Variants in CTU1 observed in about 807,000 individuals in gnomAD.
The protein encoded by CTU1 is cytosolic thiouridylase subunit 1.
CTU1 carries 15 observed loss-of-function variants against 12.9 expected under a neutral mutation model. That is an observed-to-expected ratio of 1.16 (90% confidence interval 0.78 to 1.79). The LOEUF (loss-of-function observed/expected upper bound fraction) is 1.79, where lower values mean the gene tolerates loss of function less well. Among genes scored for constraint, CTU1 ranks in the 40% most tolerant of loss-of-function variants. The pLI is 0.00. For missense variants in CTU1, 553 were observed against 550.5 expected, an observed-to-expected ratio of 1.00 and a Z score of -0.05; for synonymous variants, 295 against 275.6, an observed-to-expected ratio of 1.07 and a Z score of -0.70.
At chr19:51,107,121 C>T (rs1338560774) in intron 1 of CTU1, among the ~76,000 whole-genome samples, 1 of 152,182 alleles carries the variant, frequency 6.6e-6, no homozygotes, top group Non-Finnish European at 1.5e-5. Context: ...AAGGGAGACG[C>T]TCGCAGGGGA....
At chr19:51,105,311 C>A (rs907860089) in intron 1 of CTU1, among the ~76,000 whole-genome samples, 3 of 152,126 alleles carry the variant, frequency 2.0e-5, no homozygotes, top group Non-Finnish European at 4.4e-5. Context: ...TTGAACTCAA[C>A]CCTGCTCTGG....
rs1401426093 is a variant in CTU1, at chr19:51,104,304, T to C, written c.266A>G (p.Glu89Gly). The C allele has an allele frequency of 6.7e-7, 1 of 1,494,084 alleles. No individual in the cohort carries two copies. The highest frequency in any genetic ancestry group is 2.1e-5 in the Admixed American group (1 of 46,820). 92.6% of individuals were successfully genotyped at this position (1,494,084 alleles called of 1,614,324 possible). A position where few individuals can be genotyped will look rare whatever the true frequency, so the allele number is the denominator to read the frequency against. The change falls in exon 2 of 3, where the codon GAG (glutamate) becomes GGG (glycine). Residue 89 changes from glutamate (E) to glycine (G), a missense_variant. By Grantham distance (98) the Glu-to-Gly change is moderately conservative. Transcript: ENST00000421832. ...CGCGTCCCGGTAGCCACCGATGCCC[T>C]CATCGACGGCCACGAGCTGCAGTGA... ...GISLQLVAVD[E>G]GIGGYRDAAL...
chr19:51,102,116 G>C (rs2091908499), intron 2 of CTU1, among the ~76,000 whole-genome samples: 1 of 152,142 alleles, frequency 6.6e-6, no homozygotes, highest in Admixed American at 6.6e-5. Flanking sequence ...CAATTCTCCT[G>C]CCTCAGCCTC....
At chr19:51,105,531 G>T (rs1281562917) in intron 1 of CTU1, among the ~76,000 whole-genome samples, 1 of 152,160 alleles carries the variant, frequency 6.6e-6, no homozygotes, top group Non-Finnish European at 1.5e-5. Flanking sequence ...CTCCAGCCTG[G>T]ACTACTGTAG....
chr19:51,101,352 G>A (rs2091906786), intron 2 of CTU1, among the ~76,000 whole-genome samples: 1 of 152,184 alleles, frequency 6.6e-6, no homozygotes, highest in African/African-American at 2.4e-5. Flanking sequence ...GTCTTGTCAA[G>A]TTATACTTGA....
intron 1 of CTU1, among the ~76,000 whole-genome samples, chr19:51,106,923 C>G (rs988185802): frequency 1.2e-4 from 18 of 152,258 alleles, no homozygotes; most frequent in African/African-American, 4.1e-4. Flanking sequence ...CCCTAAGCGC[C>G]CAGACAACCT....
Position 51,104,523 on chromosome 19 carries a change from A to AGG in CTU1, c.45_46dup (p.Leu16ProfsTer154). 7.9e-7 allele frequency: 1 copy of AGG among 1,271,170 alleles called. No homozygotes were observed. The highest frequency in any genetic ancestry group is 9.9e-7 in the Non-Finnish European group (1 of 1,010,546). 78.7% of individuals were successfully genotyped at this position (1,271,170 alleles called of 1,614,324 possible). On this transcript the variant is annotated frameshift_variant, in exon 2 of 3. Transcript: ENST00000421832. LOFTEE classifies it high-confidence loss of function. Reference sequence around the variant, plus strand: ...CGCTTGGCCCGAGAGCGGACGGCGGAGGGCGGCGCGTGCAGCATGGCAGGA... The same window carrying AGG: ...CGCTTGGCCCGAGAGCGGACGGCGGAGGGGGCGGCGCGTGCAGCATGGCAGGA...
In CTU1 at chr19:51,099,106, A is replaced by C; in HGVS notation, c.542T>G (p.Leu181Arg). 6.4e-7 allele frequency: 1 copy of C among 1,564,420 alleles called. No individual in the cohort carries two copies. Among genetic ancestry groups the C allele is most frequent in the Non-Finnish European group, 8.6e-7 (1 of 1,164,762 alleles). Residue 181 changes from leucine (L) to arginine (R), a missense_variant, in exon 3 of 3, where the codon CTC (leucine) becomes CGC (arginine). Transcript: ENST00000421832. ...CGCGTCGCCCCGTAGGAAGTTCATG[A>C]GCACGGTCTCCGCCATGTCGTCGGC... is the stretch of plus-strand genomic sequence containing the variant. The part of the protein sequence containing the change: ...HNADDMAETV[L>R]MNFLRGDAGR...
chr19:51,102,568 C>T (rs1054702045), intron 2 of CTU1, among the ~76,000 whole-genome samples: 1 of 152,248 alleles, frequency 6.6e-6, no homozygotes. Flanking sequence ...TCCATCACCG[C>T]AGCTGGCTTC....
chr19:51,104,094 G>A lies in CTU1; in HGVS notation c.476C>T (p.Ala159Val). Reference sequence around the variant, plus strand: ...GATGTGCGTGGCTCCCACGCGGCGCGCCCCTTCCTCCAGCGCCCGGCGCCG... The same window carrying A: ...GATGTGCGTGGCTCCCACGCGGCGCACCCCTTCCTCCAGCGCCCGGCGCCG... Reference protein sequence around the residue: ...VLRRRALEEGARRVGATHIVT... With the variant: ...VLRRRALEEGVRRVGATHIVT... The change falls in exon 2 of 3, where the codon GCG (alanine) becomes GTG (valine). Residue 159 changes from alanine (A) to valine (V), a missense_variant. Ala to Val is a moderately conservative substitution (Grantham distance 64). Coordinates refer to ENST00000421832, the MANE Select transcript of CTU1 (RefSeq NM_145232.4). 2 of 1,471,584 alleles carry A rather than the reference G, an allele frequency of 1.4e-6. No individual in the cohort carries two copies. Among genetic ancestry groups the A allele is most frequent in the African/African-American group, 1.5e-5 (1 of 67,898 alleles). 91.2% of individuals were successfully genotyped at this position (1,471,584 alleles called of 1,614,324 possible).
rs768804355 is a variant in CTU1, at chr19:51,098,973, C to T, written c.675G>A (p.Ala225=). 4.5e-5 allele frequency: 69 copies of T among 1,543,222 alleles called. No homozygotes were observed. Among genetic ancestry groups the T allele is most frequent in the Non-Finnish European group, 5.6e-5 (65 of 1,150,746 alleles). ...AGAAGTAGTCGAGGCGGCGGAAGTGCGCGTACAGCACCACCTCCTTCTGCG... is the reference window on the plus strand; with the variant it reads ...AGAAGTAGTCGAGGCGGCGGAAGTGTGCGTACAGCACCACCTCCTTCTGCG... ...FASQKEVVLY[A]HFRRLDYFSE... Residue 225 remains alanine (A), a synonymous_variant, in exon 3 of 3, where the codon GCG becomes GCA. Transcript: ENST00000421832. The surrounding 1 kb of genome is among the most constrained non-coding windows in gnomAD (Gnocchi z 4.3).
chr19:51,099,425 G>A (rs2091901916), intron 2 of CTU1, among the ~76,000 whole-genome samples: 1 of 152,004 alleles, frequency 6.6e-6, no homozygotes, highest in African/African-American at 2.4e-5. Context: ...CAACCAGGAC[G>A]CAGAGAGAGA....
intron 1 of CTU1, among the ~76,000 whole-genome samples, chr19:51,106,033 C>T (rs900161992): frequency 6.6e-6 from 1 of 152,194 alleles, no homozygotes; most frequent in Non-Finnish European, 1.5e-5. Flanking sequence ...CCCGCCTTGC[C>T]TCCTCTACAA....
intron 1 of CTU1, 111 bp from the exon 2 acceptor site, chr19:51,104,701 C>T (rs1162473487): frequency 2.6e-5 from 22 of 858,150 alleles, no homozygotes; most frequent in Non-Finnish European, 3.2e-5. Context: ...ACCAGGGAGA[C>T]GTGTGCGCGA....
In CTU1 at chr19:51,104,355, C is replaced by T. The variant is rs558714491; in HGVS notation, c.215G>A (p.Arg72His). The T allele has an allele frequency of 9.7e-6, 14 of 1,443,632 alleles. No individual in the cohort carries two copies. In the South Asian group the frequency reaches 1.7e-4, roughly 17 times the overall value. The allele number at this position is 1,443,632 out of a possible 1,614,324, so 89.4% of individuals were successfully genotyped here. A position where few individuals can be genotyped will look rare whatever the true frequency, so the allele number is the denominator to read the frequency against. Residue 72 changes from arginine (R) to histidine (H), a missense_variant, in exon 2 of 3, where the codon CGC becomes CAC. Transcript: ENST00000421832. ...GATGCCCAGGCGCGGCGCCAGCGCG[C>T]GCAGCACGTGCGCCAGCACCGTGGA... is the stretch of plus-strand genomic sequence containing the variant. Reference protein sequence around the residue: ...KDSTVLAHVLRALAPRLGISL... With the variant: ...KDSTVLAHVLHALAPRLGISL...
Position 51,104,286 on chromosome 19 carries a change from CG to C in CTU1, c.283del (p.Arg95GlyfsTer74). On this transcript the variant is annotated frameshift_variant, in exon 2 of 3. Transcript: ENST00000421832. LOFTEE classifies it high-confidence loss of function. ...CCGCACGGCCGCCAACGCCGCGTCC[CG>C]GTAGCCACCGATGCCCTCATCGACG... ...VAVDEGIGGY[R>X]DAALAAVRRQ... The C allele has an allele frequency of 6.7e-7, 1 of 1,500,220 alleles. No homozygotes were observed. Among genetic ancestry groups the C allele is most frequent in the Non-Finnish European group, 8.9e-7 (1 of 1,129,418 alleles). The allele number at this position is 1,500,220 out of a possible 1,614,324, so 92.9% of individuals were successfully genotyped here. A position where few individuals can be genotyped will look rare whatever the true frequency, so the allele number is the denominator to read the frequency against.
rs541753587 is a variant in CTU1 at position 51,104,235 on chromosome 19, G to T, written c.335C>A (p.Pro112Gln). The change falls in exon 2 of 3, where the codon CCG (proline) becomes CAG (glutamine). Residue 112 changes from proline to glutamine, a missense_variant. Pro to Gln is a moderately conservative substitution (Grantham distance 76, BLOSUM62 -1). Coordinates refer to ENST00000421832, the MANE Select transcript of CTU1 (RefSeq NM_145232.4). Reference sequence around the variant, plus strand: ...GTCTTCGTAGGCCACGACCGTGAGCGGCAGCTCCCAGCGCGCCGCCTGGCG... The same window carrying T: ...GTCTTCGTAGGCCACGACCGTGAGCTGCAGCTCCCAGCGCGCCGCCTGGCG... ...VRRQAARWEL[P>Q]LTVVAYEDLF... 7 of 1,513,742 alleles carry T rather than the reference G, an allele frequency of 4.6e-6. No individual in the cohort carries two copies. The East Asian group carries it at 1.8e-4, about 39-fold the overall frequency. The allele number at this position is 1,513,742 out of a possible 1,614,324, so 93.8% of individuals were successfully genotyped here.
chr19:51,104,396 G>A lies in CTU1; in HGVS notation c.174C>T (p.Ala58=), dbSNP rs1327516401. 1.6e-6 allele frequency: 2 copies of A among 1,270,618 alleles called. No individual in the cohort carries two copies. The highest frequency in any genetic ancestry group is 1.9e-5 in the South Asian group (1 of 52,302). 78.7% of individuals were successfully genotyped at this position (1,270,618 alleles called of 1,614,324 possible). The change falls in exon 2 of 3, where the codon GCC becomes GCT. Residue 58 remains alanine (A), a synonymous_variant. Transcript: ENST00000421832. ...GCACCGTGGAGTCCTTGCCGCCCGAGGCGCCCACGGCCACCACCGCGCCGG... is the reference window on the plus strand; with the variant it reads ...GCACCGTGGAGTCCTTGCCGCCCGAAGCGCCCACGGCCACCACCGCGCCGG... The part of the protein sequence containing the change: ...LPPGAVVAVG[A]SGGKDSTVLA...
At chr19:51,103,239 T>C (rs965628011) in intron 2 of CTU1, among the ~76,000 whole-genome samples, 1 of 152,158 alleles carries the variant, frequency 6.6e-6, no homozygotes, top group East Asian at 1.9e-4. Flanking sequence ...TTAAGAACTT[T>C]GGTATGGCCA....
Sources: allele counts gnomAD v4.1 joint callset (sites outside exome capture counted in the v4.1 genomes callset), GRCh38; gene constraint gnomAD v4.1.1; non-coding constraint Gnocchi (gnomAD v3.1); transcripts MANE v1.5; gene names NCBI Gene and HGNC (gene_info 2026-07-23, HGNC 2026-07-21).